The following TENM2 variants were observed in gnomAD, a reference collection of about 807,000 sequenced individuals.
The protein encoded by TENM2 is teneurin-2.
TENM2 carries 52 observed loss-of-function variants against 245.2 expected under a neutral mutation model. The ratio of observed to expected loss-of-function variants is 0.21; its 90% CI spans 0.17 to 0.27. The LOEUF (loss-of-function observed/expected upper bound fraction) is 0.27, where lower values mean the gene tolerates loss of function less well. Ranked by LOEUF, TENM2 falls within the 10% of genes least tolerant of loss-of-function variation. TENM2 has a pLI of 1.00. For missense variants in TENM2, 3,046 were observed against 3,666.8 expected (o/e 0.83, Z 4.37); for synonymous variants, 1,363 against 1,438.9 (o/e 0.95, Z 1.19).
At chr5:168,188,459 A>C (rs1254028873) in intron 13 of TENM2, among the ~76,000 whole-genome samples, 1 of 152,228 alleles carries the variant, frequency 6.6e-6, no homozygotes, top group Non-Finnish European at 1.5e-5. Flanking sequence ...CAGAAATTCC[A>C]AGGAGCAAAC....
At chr5:168,048,774 ACTTTTTT>A (rs1241667505) in intron 6 of TENM2, among the ~76,000 whole-genome samples, 1 of 152,174 alleles carries the variant, frequency 6.6e-6, no homozygotes, top group Non-Finnish European at 1.5e-5. Flanking sequence ...TTTGAGGATG[ACTTTTTT>A]GTCTTTTTAT....
chr5:168,190,723 C>G, intron 14 of TENM2, 176 bp downstream of exon 16: 1 of 587,162 alleles, frequency 1.7e-6, no homozygotes, highest in Non-Finnish European at 3.0e-6. Context: ...GTGTTGGGCT[C>G]CAGAACAGAG....
At chr5:167,510,955 GAA>G (rs1469616046) in intron 2 of TENM2, among the ~76,000 whole-genome samples, 8 of 63,448 alleles carry the variant, frequency 1.3e-4, no homozygotes, top group Admixed American at 3.3e-4. Flanking sequence ...AAAAATAAAA[GAA>G]AGAGAGAGAA....
intron 2 of TENM2, among the ~76,000 whole-genome samples, chr5:167,845,701 G>A (rs1769981198): frequency 6.6e-6 from 1 of 152,134 alleles, no homozygotes; most frequent in Non-Finnish European, 1.5e-5. Context: ...TAGAGCTGTA[G>A]GGTTTGTGAT....
chr5:168,048,631 G>A (rs1788818554), intron 6 of TENM2, among the ~76,000 whole-genome samples: 1 of 152,174 alleles, frequency 6.6e-6, no homozygotes, highest in Non-Finnish European at 1.5e-5. Context: ...TTGGGCAGGA[G>A]GTTGGAGCTT....
intron 2 of TENM2, among the ~76,000 whole-genome samples, chr5:167,694,002 A>C (rs1757600440): frequency 6.6e-6 from 1 of 152,216 alleles, no homozygotes; most frequent in African/African-American, 2.4e-5. Context: ...TAATTGATTG[A>C]ATGCACTTTT....
intron 2 of TENM2, among the ~76,000 whole-genome samples, chr5:167,711,112 G>T (rs1343342108): frequency 2.6e-5 from 4 of 152,058 alleles, no homozygotes; most frequent in Admixed American, 6.5e-5. Flanking sequence ...CCTGGCCAAA[G>T]GTTCAAAACT....
At chr5:167,250,539 A>G in the TENM2 span, among the ~76,000 whole-genome samples, 17 of 152,156 alleles carry the variant, frequency 1.1e-4, no homozygotes, top group African/African-American at 3.1e-4. Context: ...TTTGTATTGC[A>G]CACCACTGAC....
At chr5:168,024,614 GCTC>G (rs1786445833) in intron 5 of TENM2, among the ~76,000 whole-genome samples, 1 of 152,184 alleles carries the variant, frequency 6.6e-6, no homozygotes, top group African/African-American at 2.4e-5. Context: ...TTCACGCTGA[GCTC>G]CTCTGTCAGC....
At chr5:167,954,827 A>G (rs1186699361) in intron 4 of TENM2, among the ~76,000 whole-genome samples, 3 of 152,208 alleles carry the variant, frequency 2.0e-5, no homozygotes, top group Non-Finnish European at 2.9e-5. Flanking sequence ...ATAGTATTCC[A>G]TGGTGTATAT....
chr5:167,690,921 GT>G (rs1561676177), intron 2 of TENM2, among the ~76,000 whole-genome samples: 2 of 57,038 alleles, frequency 3.5e-5, no homozygotes, highest in East Asian at 6.7e-3. Flanking sequence ...GTATATGCGA[GT>G]ATGTGTGTGT....
At chr5:167,113,314 T>C in the TENM2 span, among the ~76,000 whole-genome samples, 6 of 152,118 alleles carry the variant, frequency 3.9e-5, no homozygotes, top group African/African-American at 1.4e-4. Flanking sequence ...GTCTCTTGGA[T>C]TGCCCTGAAG....
Position 167,934,085 on chromosome 5 carries a change from C to A in TENM2, c.713-18503C>A, listed in dbSNP as rs1426963185. On this transcript the variant is annotated intron_variant, in intron 3 of 28. Coordinates refer to ENST00000518659, the Ensembl canonical transcript of TENM2. ...GAGGTGGTACTTGATCTGGAATTAT[C>A]AAACCAATTTTAGAAATCAAGTTAA... Among the ~76,000 whole-genome samples, 3 of 152,254 alleles carry A rather than the reference C, an allele frequency of 2.0e-5. No homozygotes were observed. In the East Asian group the frequency reaches 5.8e-4, roughly 29 times the overall value.
intron 2 of TENM2, among the ~76,000 whole-genome samples, chr5:167,813,135 G>A (rs541795655): frequency 1.6e-4 from 25 of 152,222 alleles, no homozygotes; most frequent in African/African-American, 5.8e-4. Context: ...CTTTGCTGGG[G>A]GTGGAAGCTC....
At chr5:167,101,924 T>TTATA in the TENM2 span, among the ~76,000 whole-genome samples, 4 of 106,094 alleles carry the variant, frequency 3.8e-5, no homozygotes, top group African/African-American at 1.6e-4. Context: ...ATATATACAA[T>TTATA]TATATATATA....
chr5:168,116,802 C>CA (rs202163906), intron 9 of TENM2, among the ~76,000 whole-genome samples: 1,874 of 152,254 alleles, frequency 0.012, 14 homozygotes, highest in Non-Finnish European at 0.02. Flanking sequence ...TAGGAAGTGA[C>CA]ATGATTAGGT....
intron 2 of TENM2, among the ~76,000 whole-genome samples, chr5:167,843,009 A>G (rs1232657074): frequency 1.3e-5 from 2 of 152,136 alleles, no homozygotes; most frequent in Non-Finnish European, 2.9e-5. Flanking sequence ...ATTCGCAACA[A>G]CACTTTGATT....
intron 2 of TENM2, among the ~76,000 whole-genome samples, chr5:167,783,452 G>C (rs1331232012): frequency 2.6e-5 from 4 of 152,164 alleles, no homozygotes; most frequent in Non-Finnish European, 5.9e-5. Context: ...TCAGAAGGAA[G>C]GGTTTCTGAA....
chr5:167,967,975 A>G (rs1781502265), intron 4 of TENM2, among the ~76,000 whole-genome samples: 1 of 152,178 alleles, frequency 6.6e-6, no homozygotes, highest in Non-Finnish European at 1.5e-5. Flanking sequence ...GAAGCCAGAT[A>G]AGGCATCCGC....
Sources: allele counts gnomAD v4.1 joint callset (sites outside exome capture counted in the v4.1 genomes callset), GRCh38; gene constraint gnomAD v4.1.1; transcripts MANE v1.5; gene names NCBI Gene and HGNC (gene_info 2026-07-23, HGNC 2026-07-21).